DAW1: variants seen among roughly 807,000 people sequenced by gnomAD.
DAW1 encodes dynein assembly factor with WD repeats 1, also known as dynein assembly factor with WD repeat domains 1.
Under a neutral mutation model 56.5 loss-of-function variants are expected in DAW1, and 47 were observed. The observed-to-expected ratio is 0.83, with a 90% CI of 0.66 to 1.06. The LOEUF (loss-of-function observed/expected upper bound fraction) is 1.06, where lower values mean the gene tolerates loss of function less well. Ranked by LOEUF, DAW1 falls within the 50% of genes least tolerant of loss-of-function variation. DAW1 has a pLI of 0.00. For synonymous variants in DAW1, 190 were observed against 179.0 expected, an observed-to-expected ratio of 1.06 and a Z score of -0.49; for missense variants, 505 against 499.3, an observed-to-expected ratio of 1.01 and a Z score of -0.11.
chr2:227,910,524 A>ACACC (rs756824641), intron 10 of DAW1, among the ~76,000 whole-genome samples: 13 of 150,084 alleles, frequency 8.7e-5, no homozygotes, highest in East Asian at 2.0e-4. Context: ...ACACACACAC[A>ACACC]CCCCTCATAT....
At chr2:227,884,570 T>C (rs1224381293) in intron 1 of DAW1, among the ~76,000 whole-genome samples, 1 of 152,194 alleles carries the variant, frequency 6.6e-6, no homozygotes, top group African/African-American at 2.4e-5. Context: ...CGGGTACTGC[T>C]AAGGCTCCTG....
At chr2:227,899,332 A>G (rs972760759) in intron 6 of DAW1, among the ~76,000 whole-genome samples, 1 of 152,202 alleles carries the variant, frequency 6.6e-6, no homozygotes, top group African/African-American at 2.4e-5. Flanking sequence ...TATTTAACTC[A>G]CTAACTTTGT....
chr2:227,902,188 T>G (rs1691561941), intron 6 of DAW1, among the ~76,000 whole-genome samples: 1 of 152,150 alleles, frequency 6.6e-6, no homozygotes, highest in African/African-American at 2.4e-5. Flanking sequence ...ACTAGTAACT[T>G]TCTGTGCTGT....
chr2:227,892,142 T>G (rs1691280228), intron 4 of DAW1, among the ~76,000 whole-genome samples: 1 of 152,078 alleles, frequency 6.6e-6, no homozygotes, highest in South Asian at 2.1e-4. Context: ...TAATAATTTT[T>G]TTTTTTTGAG....
Position 227,924,280 on chromosome 2 carries a change from G to A in DAW1, c.*312G>A, listed in dbSNP as rs1359105201. ...GGAGACCAGAACAACTTAACAACGTGTCTCCTGGATTTTACTTTGAAGCCT... is the reference window on the plus strand; with the variant it reads ...GGAGACCAGAACAACTTAACAACGTATCTCCTGGATTTTACTTTGAAGCCT... On this transcript the variant is annotated 3_prime_UTR_variant, in exon 13 of 13. Coordinates refer to ENST00000309931, the MANE Select transcript of DAW1 (RefSeq NM_178821.3). 2.9e-6 allele frequency: 1 copy of A among 344,080 alleles called. No individual in the cohort carries two copies. The highest frequency in any genetic ancestry group is 5.3e-6 in the Non-Finnish European group (1 of 188,410). The allele number at this position is 344,080 out of a possible 1,614,324, so 21.3% of individuals were successfully genotyped here.
chr2:227,917,727 G>T (rs187868374), intron 10 of DAW1, among the ~76,000 whole-genome samples: 37 of 152,054 alleles, frequency 2.4e-4, no homozygotes, highest in African/African-American at 8.2e-4. Flanking sequence ...AACCAAATTG[G>T]TCACTTCCCT....
intron 1 of DAW1, among the ~76,000 whole-genome samples, chr2:227,876,221 C>A (rs553853637): frequency 6.6e-6 from 1 of 152,148 alleles, no homozygotes; most frequent in African/African-American, 2.4e-5. Flanking sequence ...GGGGTTTCAC[C>A]GTGTTAGCCA....
At chr2:227,875,471 C>T (rs981730703) in intron 1 of DAW1, among the ~76,000 whole-genome samples, 4 of 152,286 alleles carry the variant, frequency 2.6e-5, no homozygotes, top group Non-Finnish European at 4.4e-5. Flanking sequence ...TCACCACTTT[C>T]GACTTTTCCC....
chr2:227,904,447 T>A (rs1212130336), intron 7 of DAW1, among the ~76,000 whole-genome samples: 1 of 152,182 alleles, frequency 6.6e-6, no homozygotes, highest in Non-Finnish European at 1.5e-5. Flanking sequence ...AAGGCAGGAA[T>A]TTATCAATCG....
At chr2:227,907,953 A>G (rs939336430) in intron 10 of DAW1, among the ~76,000 whole-genome samples, 1 of 152,210 alleles carries the variant, frequency 6.6e-6, no homozygotes, top group African/African-American at 2.4e-5. Context: ...CTGTTCCGCT[A>G]TGTCTACTGC....
At chr2:227,898,108 A>T in intron 5 of DAW1, 74 bp from the exon 6 acceptor site, 1 of 936,788 alleles carries the variant, frequency 1.1e-6, no homozygotes, top group Non-Finnish European at 1.5e-6. Flanking sequence ...CTCATGTATT[A>T]ATATCTCATC....
chr2:227,895,282 T>C (rs901344865), intron 5 of DAW1, among the ~76,000 whole-genome samples: 13 of 152,170 alleles, frequency 8.5e-5, no homozygotes, highest in Admixed American at 2.6e-4. Context: ...TGTGAAAAGA[T>C]TGGCAAATAA....
At chr2:227,885,256 A>G in intron 1 of DAW1, 95 bp from the exon 2 acceptor site, 1 of 865,668 alleles carries the variant, frequency 1.2e-6, no homozygotes, top group Non-Finnish European at 1.7e-6. Context: ...AAAAATTTTA[A>G]AAATAAAAAT....
intron 1 of DAW1, among the ~76,000 whole-genome samples, chr2:227,871,969 G>A (rs1320528022): frequency 6.6e-6 from 1 of 152,230 alleles, no homozygotes; most frequent in Non-Finnish European, 1.5e-5. Flanking sequence ...ATGTCAGTCT[G>A]TCTGCATTTA....
rs779423381 is a variant in DAW1, at chr2:227,885,518, A to G, written c.113+95A>G. 52 of 904,608 alleles carry G rather than the reference A, an allele frequency of 5.7e-5. 1 individual carries two copies. Among genetic ancestry groups the G allele is most frequent in the Non-Finnish European group, 8.4e-5 (52 of 615,948 alleles). 56.0% of individuals were successfully genotyped at this position (904,608 alleles called of 1,614,324 possible). A position where few individuals can be genotyped will look rare whatever the true frequency, so the allele number is the denominator to read the frequency against. ...GAGCTGCATAAACTGCAGATAATAC[A>G]TTATGTTTTAAAAATTGTTCTTCTG... On this transcript the variant is annotated intron_variant, in intron 2 of 12. Coordinates refer to ENST00000309931, the MANE Select transcript of DAW1 (RefSeq NM_178821.3).
chr2:227,910,526 C>A lies in DAW1; in HGVS notation c.973+3274C>A, dbSNP rs11887141. 3.2e-3 allele frequency among the ~76,000 whole-genome samples: 245 copies of A among 76,034 alleles called. 3 individuals are homozygous for A. The highest frequency in any genetic ancestry group is 0.01 in the Middle Eastern group (1 of 100). 49.9% of individuals were successfully genotyped at this position (76,034 alleles called of 152,430 possible). A position where few individuals can be genotyped will look rare whatever the true frequency, so the allele number is the denominator to read the frequency against. On this transcript the variant is annotated intron_variant, in intron 10 of 12. Coordinates refer to ENST00000309931, the MANE Select transcript of DAW1 (RefSeq NM_178821.3). Reference sequence around the variant, plus strand: ...CACACACACACACACACACACACACCCCTCATATTCTAGACAGCCATATGT... The same window carrying A: ...CACACACACACACACACACACACACACCTCATATTCTAGACAGCCATATGT...
chr2:227,890,422 G>A (rs993187984), intron 3 of DAW1, among the ~76,000 whole-genome samples: 1 of 152,086 alleles, frequency 6.6e-6, no homozygotes. Flanking sequence ...TAATTTTAAT[G>A]TGATGTAAAT....
intron 10 of DAW1, chr2:227,912,505 A>G: frequency 7.7e-7 from 1 of 1,295,992 alleles, no homozygotes; most frequent in Non-Finnish European, 1.0e-6. Context: ...CTTCTTGATG[A>G]TCATATATAA....
chr2:227,893,754 T>C, intron 4 of DAW1, 41 bp from the exon 5 acceptor site: 1 of 1,587,004 alleles, frequency 6.3e-7, no homozygotes, highest in Non-Finnish European at 8.6e-7. Flanking sequence ...ATTAACACAC[T>C]GCCATTCTTC....
Sources: allele counts gnomAD v4.1 joint callset (sites outside exome capture counted in the v4.1 genomes callset), GRCh38; gene constraint gnomAD v4.1.1; transcripts MANE v1.5; gene names NCBI Gene and HGNC (gene_info 2026-07-23, HGNC 2026-07-21).